PLEKHO2: variants seen among roughly 807,000 people sequenced by gnomAD.
The protein encoded by PLEKHO2 is pleckstrin homology domain containing O2, also known as pleckstrin homology domain-containing family O member 2.
Under a neutral mutation model 32.7 loss-of-function variants are expected in PLEKHO2, and 20 were observed. The ratio of observed to expected loss-of-function variants is 0.61; its 90% CI spans 0.43 to 0.89. The LOEUF (loss-of-function observed/expected upper bound fraction) is 0.89, where lower values mean the gene tolerates loss of function less well. PLEKHO2 is among the 40% of genes least tolerant of loss of function. The probability of loss-of-function intolerance (pLI) is 0.00; values close to 1 mark genes in which losing one functional copy is unlikely to be tolerated. For synonymous variants in PLEKHO2, 247 were observed against 246.3 expected (o/e 1.00, Z -0.03); for missense variants, 568 against 621.2 (o/e 0.91, Z 0.91).
chr15:64,861,587 C>T lies in PLEKHO2; in HGVS notation c.483+12C>T. 1 of 1,578,518 alleles carries T rather than the reference C, an allele frequency of 6.3e-7. No individual in the cohort carries two copies. The highest frequency in any genetic ancestry group is 8.6e-7 in the Non-Finnish European group (1 of 1,163,198). On this transcript the variant is annotated intron_variant, in intron 5 of 5. Coordinates refer to ENST00000323544, the MANE Select transcript of PLEKHO2 (RefSeq NM_025201.5). ...TCCACCTGAAGGAGGTAGGGCCTTA[C>T]CCAGTGTGGATGTTGGGGTTAGTTG...
chr15:64,862,746 A>G (rs1395987751), intron 5 of PLEKHO2, among the ~76,000 whole-genome samples: 4 of 152,134 alleles, frequency 2.6e-5, no homozygotes, highest in Non-Finnish European at 5.9e-5. Flanking sequence ...CAAGGCATTT[A>G]CAACATATTT....
At chr15:64,863,237 T>C (rs931547020) in intron 5 of PLEKHO2, among the ~76,000 whole-genome samples, 1 of 152,054 alleles carries the variant, frequency 6.6e-6, no homozygotes, top group Admixed American at 6.6e-5. Flanking sequence ...CGCCTGGCCT[T>C]GCAGCGTATT....
At position 64,866,091 on chromosome 15, in the gene PLEKHO2, G is replaced by T. The variant is rs1433720448; in HGVS notation, c.*203G>T. 1.4e-6 allele frequency: 1 copy of T among 691,422 alleles called. No homozygotes were observed. The highest frequency in any genetic ancestry group is 1.8e-5 in the African/African-American group (1 of 55,636). 42.8% of individuals were successfully genotyped at this position (691,422 alleles called of 1,614,324 possible). On this transcript the variant is annotated 3_prime_UTR_variant, in exon 6 of 6. Coordinates refer to ENST00000323544, the MANE Select transcript of PLEKHO2 (RefSeq NM_025201.5). ...CCAGTGGTGCCAGGTGCCACCCAGG[G>T]CTACTGCCTGGCTATCTGGCCTGGC...
Position 64,867,877 on chromosome 15 carries a change from T to C in PLEKHO2, c.*1989T>C, listed in dbSNP as rs1252360304. ...GAGAGGAGTGAGAACGTGCAGGGCCTGCCTAGCTTGCGTGCTTGAGGAAGG... is the reference window on the plus strand; with the variant it reads ...GAGAGGAGTGAGAACGTGCAGGGCCCGCCTAGCTTGCGTGCTTGAGGAAGG... On this transcript the variant is annotated 3_prime_UTR_variant, in exon 6 of 6. Coordinates refer to ENST00000323544, the MANE Select transcript of PLEKHO2 (RefSeq NM_025201.5). 6.6e-6 allele frequency: 1 copy of C among 152,270 alleles called. No individual in the cohort carries two copies. Among genetic ancestry groups the C allele is most frequent in the Non-Finnish European group, 1.5e-5 (1 of 68,050 alleles). 9.4% of individuals were successfully genotyped at this position (152,270 alleles called of 1,614,324 possible). A position where few individuals can be genotyped will look rare whatever the true frequency, so the allele number is the denominator to read the frequency against.
Position 64,864,935 on chromosome 15 carries a change from G to C in PLEKHO2, c.520G>C (p.Asp174His), listed in dbSNP as rs1248599996. 3 of 1,613,156 alleles carry C rather than the reference G, an allele frequency of 1.9e-6. No individual in the cohort carries two copies. The highest frequency in any genetic ancestry group is 2.5e-6 in the Non-Finnish European group (3 of 1,179,452). ...AGCTTCTGACGGTCTTCTGCGCCTGGATCTTGATGTTCCGGACAGTGGGCC... is the reference window on the plus strand; with the variant it reads ...AGCTTCTGACGGTCTTCTGCGCCTGCATCTTGATGTTCCGGACAGTGGGCC... ...SAASDGLLRLDLDVPDSGPPV... is the reference protein window; with the variant it reads ...SAASDGLLRLHLDVPDSGPPV... The change falls in exon 6 of 6, where the codon GAT becomes CAT. Residue 174 changes from aspartate to histidine, a missense_variant. Physicochemically the swap from Asp to His is moderately conservative, Grantham distance 81. Transcript: ENST00000323544.
At chr15:64,853,924 T>C (rs530570605) in intron 2 of PLEKHO2, among the ~76,000 whole-genome samples, 2 of 152,330 alleles carry the variant, frequency 1.3e-5, no homozygotes, top group East Asian at 3.9e-4. Flanking sequence ...AAGTGTCAGA[T>C]TTCTTCTGTT....
chr15:64,866,506 G>A lies in PLEKHO2; in HGVS notation c.*618G>A. Reference sequence around the variant, plus strand: ...TCTTTGTGAGGAGGACATTAGCTGTGTGGCCTCTCTCTCTTTGGCCCTGTT... The same window carrying A: ...TCTTTGTGAGGAGGACATTAGCTGTATGGCCTCTCTCTCTTTGGCCCTGTT... On this transcript the variant is annotated 3_prime_UTR_variant, in exon 6 of 6. Transcript: ENST00000323544. 4.9e-6 allele frequency: 2 copies of A among 404,252 alleles called. No individual in the cohort carries two copies. The highest frequency in any genetic ancestry group is 1.0e-5 in the Non-Finnish European group (2 of 200,418). 25.0% of individuals were successfully genotyped at this position (404,252 alleles called of 1,614,324 possible). A position where few individuals can be genotyped will look rare whatever the true frequency, so the allele number is the denominator to read the frequency against.
intron 4 of PLEKHO2, 103 bp from the exon 5 acceptor site, chr15:64,861,374 C>G (rs2084639484): frequency 2.6e-6 from 2 of 756,024 alleles, no homozygotes; most frequent in African/African-American, 3.6e-5. Context: ...CCAGAGAGGG[C>G]AGCGGTGGGG....
chr15:64,862,887 ATT>A (rs2084652666), intron 5 of PLEKHO2, among the ~76,000 whole-genome samples: 1 of 150,090 alleles, frequency 6.7e-6, no homozygotes, highest in African/African-American at 2.5e-5. Flanking sequence ...TTAACTCGTC[ATT>A]TAGCATTAGT....
Position 64,848,574 on chromosome 15 carries a change from A to T in PLEKHO2, c.13-19A>T. ...CCATGGTAGCAACCCTCATGGTATG[A>T]ACTGGTGCTGTGTTACAGGGTGTGA... On this transcript the variant is annotated intron_variant, in intron 1 of 5. Coordinates refer to ENST00000323544, the MANE Select transcript of PLEKHO2 (RefSeq NM_025201.5). The T allele has an allele frequency of 6.2e-7, 1 of 1,614,012 alleles. No individual in the cohort carries two copies. The highest frequency in any genetic ancestry group is 8.5e-7 in the Non-Finnish European group (1 of 1,179,960).
chr15:64,856,389 T>G (rs1293795554), intron 3 of PLEKHO2, among the ~76,000 whole-genome samples: 1 of 151,948 alleles, frequency 6.6e-6, no homozygotes, highest in Non-Finnish European at 1.5e-5. Context: ...TGTCTGGGTG[T>G]GTGTCTTAGT....
rs187201225 is a variant in PLEKHO2 at position 64,862,922 on chromosome 15, C to T, written c.483+1347C>T. On this transcript the variant is annotated intron_variant, in intron 5 of 5. Transcript: ENST00000323544. ...AGTTATATCTCCTAATGCTATCCCT[C>T]CCCTCTCCCCCCACCTCTTTTTTTT... Among the ~76,000 whole-genome samples, 157 of 150,604 alleles carry T rather than the reference C, an allele frequency of 1.0e-3. 1 individual carries two copies. Among genetic ancestry groups the T allele is most frequent in the African/African-American group, 3.7e-3 (153 of 40,886 alleles).
intron 2 of PLEKHO2, among the ~76,000 whole-genome samples, chr15:64,850,918 T>TG (rs1595828700): frequency 6.6e-6 from 1 of 152,342 alleles, no homozygotes; most frequent in East Asian, 1.9e-4. Flanking sequence ...ATGAAATACC[T>TG]GGGGAAGAAT....
Position 64,865,132 on chromosome 15 carries a change from G to A in PLEKHO2, c.717G>A (p.Glu239=), listed in dbSNP as rs149028050. ...CAACCCCTGTCTCAGCAAGCTCTGAGGTCTCCCCTGAGAGCCAAGAGGACT... is the reference window on the plus strand; with the variant it reads ...CAACCCCTGTCTCAGCAAGCTCTGAAGTCTCCCCTGAGAGCCAAGAGGACT... ...RAPTPVSASS[E]VSPESQEDSE... Residue 239 remains glutamate, a synonymous_variant, in exon 6 of 6, where the codon GAG becomes GAA. Coordinates refer to ENST00000323544, the MANE Select transcript of PLEKHO2 (RefSeq NM_025201.5). 5 of 1,614,112 alleles carry A rather than the reference G, an allele frequency of 3.1e-6. No individual in the cohort carries two copies. Among genetic ancestry groups the A allele is most frequent in the Non-Finnish European group, 4.2e-6 (5 of 1,179,994 alleles).
chr15:64,843,260 GTCC>G (rs1163414126), intron 1 of PLEKHO2, among the ~76,000 whole-genome samples: 6 of 152,222 alleles, frequency 3.9e-5, no homozygotes, highest in Non-Finnish European at 8.8e-5. Flanking sequence ...TATAGTGCCT[GTCC>G]TCCTCATACT....
intron 1 of PLEKHO2, among the ~76,000 whole-genome samples, chr15:64,847,877 G>A (rs2084534674): frequency 6.6e-6 from 1 of 152,172 alleles, no homozygotes; most frequent in African/African-American, 2.4e-5. Context: ...GGGTTCTCTA[G>A]AAGCATAGCG....
chr15:64,866,011 C>G lies in PLEKHO2; in HGVS notation c.*123C>G. On this transcript the variant is annotated 3_prime_UTR_variant, in exon 6 of 6. Coordinates refer to ENST00000323544, the MANE Select transcript of PLEKHO2 (RefSeq NM_025201.5). ...GCTGCAGGAGGGCCATTGGGCATGT[C>G]AGGGTTTGGCCATGACCCGAAGAGA... 7.7e-7 allele frequency: 1 copy of G among 1,297,044 alleles called. No homozygotes were observed. The highest frequency in any genetic ancestry group is 1.0e-6 in the Non-Finnish European group (1 of 965,826). The allele number at this position is 1,297,044 out of a possible 1,614,324, so 80.3% of individuals were successfully genotyped here. A position where few individuals can be genotyped will look rare whatever the true frequency, so the allele number is the denominator to read the frequency against.
In PLEKHO2 at chr15:64,855,020, C is replaced by A; in HGVS notation, c.262C>A (p.Arg88=). 3.1e-6 allele frequency: 5 copies of A among 1,587,496 alleles called. No individual in the cohort carries two copies. The highest frequency in any genetic ancestry group is 4.3e-6 in the Non-Finnish European group (5 of 1,166,030). Residue 88 remains arginine (R), a synonymous_variant, in exon 3 of 6, where the codon CGA becomes AGA. Coordinates refer to ENST00000323544, the MANE Select transcript of PLEKHO2 (RefSeq NM_025201.5). ...GCGAAAACACCGCTTTATCCTGCTG[C>A]GATCCCCAGGGAACAAGGTAGGGCG... ...LKRKHRFILL[R]SPGNKVSDIK... is the part of the protein sequence containing the mutation.
chr15:64,841,969 C>T lies in PLEKHO2; in HGVS notation c.-48C>T. 1.6e-6 allele frequency: 2 copies of T among 1,245,668 alleles called. No homozygotes were observed. The highest frequency in any genetic ancestry group is 2.0e-6 in the Non-Finnish European group (2 of 995,014). The allele number at this position is 1,245,668 out of a possible 1,614,324, so 77.2% of individuals were successfully genotyped here. The stretch of plus-strand genomic sequence containing the variant: ...CGTAGACGCGGTGGCAGAGCCCGCG[C>T]GGCGCTGGAAGCGAGTGGCGGAGCG... On this transcript the variant is annotated 5_prime_UTR_variant, in exon 1 of 6. Transcript: ENST00000323544.
Sources: gnomAD v4.1 joint callset for allele counts (sites outside exome capture counted in the v4.1 genomes callset) on GRCh38, gnomAD v4.1.1 for gene constraint, MANE v1.5 for transcripts, NCBI Gene and HGNC (gene_info 2026-07-23, HGNC 2026-07-21) for gene names.